INTS8: variants seen among roughly 807,000 people sequenced by gnomAD.
INTS8 encodes the protein protein kaonashi-1.
In INTS8, 47 loss-of-function variants were observed where a neutral mutation model predicts 138.9. The observed-to-expected ratio is 0.34, with a 90% confidence interval of 0.27 to 0.43. The LOEUF (loss-of-function observed/expected upper bound fraction) is 0.43. Among genes scored for constraint, INTS8 ranks in the 20% least tolerant of loss-of-function variants. The probability of loss-of-function intolerance (pLI) is 1.00; values close to 1 mark genes in which losing one functional copy is unlikely to be tolerated. For synonymous variants in INTS8, 392 were observed against 400.9 expected, an observed-to-expected ratio of 0.98 and a Z score of 0.27; for missense variants, 996 against 1,173.0, an observed-to-expected ratio of 0.85 and a Z score of 2.20.
At chr8:94,849,864 C>T in intron 11 of INTS8, 52 bp from the exon 12 acceptor site, 1 of 1,374,138 alleles carries the variant, frequency 7.3e-7, no homozygotes, top group South Asian at 1.6e-5. Context: ...GATTGTTTTT[C>T]TCAAACTAAA....
chr8:94,834,570 G>A (rs1217243773), intron 6 of INTS8, among the ~76,000 whole-genome samples: 1 of 151,988 alleles, frequency 6.6e-6, no homozygotes, highest in African/African-American at 2.4e-5. Flanking sequence ...TAGGCGTTGT[G>A]GCAGGTGCCT....
chr8:94,838,431 A>G (rs1377034998), intron 7 of INTS8, 32 bp from the exon 8 acceptor site: 1 of 1,544,532 alleles, frequency 6.5e-7, no homozygotes, highest in African/African-American at 1.4e-5. Flanking sequence ...TATTACATGA[A>G]TGGATAATGG....
At position 94,861,256 on chromosome 8, in the gene INTS8, A is replaced by ATTTTTTTTTTTTTTT. The variant is rs1210530804; in HGVS notation, c.2076+1633_2076+1647dup. Among the ~76,000 whole-genome samples the ATTTTTTTTTTTTTTT allele has an allele frequency of 2.5e-3, 146 of 57,384 alleles. 37 individuals carry two copies. Among genetic ancestry groups the ATTTTTTTTTTTTTTT allele is most frequent in the East Asian group, 5.8e-3 (9 of 1,562 alleles). The allele number at this position is 57,384 out of a possible 152,430, so 37.6% of individuals were successfully genotyped here. ...CTTCAGTTTTTCCCCCCTTTTTGTA[A>ATTTTTTTTTTTTTTT]TTTTTTTTTTTTTTTTTTTTTTTGA... is the stretch of plus-strand genomic sequence containing the variant. On this transcript the variant is annotated intron_variant, in intron 16 of 26. Transcript: ENST00000523731.
intron 4 of INTS8, among the ~76,000 whole-genome samples, chr8:94,828,060 G>A (rs1451655524): frequency 7.1e-6 from 1 of 140,516 alleles, no homozygotes; most frequent in Non-Finnish European, 1.5e-5. Flanking sequence ...TTTTTTTTGA[G>A]ATGGAGACTC....
rs537627111 is a variant in INTS8 at position 94,823,395 on chromosome 8, G to C, written c.-37G>C. On this transcript the variant is annotated 5_prime_UTR_variant, in exon 1 of 27. Transcript: ENST00000523731. ...CGCATCCAAGTGTCAGGTTGGAGCC[G>C]GGAAGCGGCCCTGGTGGTAGCGGCG... 4.0e-6 allele frequency: 6 copies of C among 1,511,296 alleles called. No homozygotes were observed. The highest frequency in any genetic ancestry group is 5.3e-6 in the Non-Finnish European group (6 of 1,132,338). 93.6% of individuals were successfully genotyped at this position (1,511,296 alleles called of 1,614,324 possible).
At chr8:94,836,773 A>G in intron 7 of INTS8, 142 bp downstream of exon 7, 1 of 556,262 alleles carries the variant, frequency 1.8e-6, no homozygotes, top group Non-Finnish European at 3.2e-6. Context: ...ACTGGTTTTT[A>G]AAAATCTGTA....
intron 18 of INTS8, 25 bp from the exon 19 acceptor site, chr8:94,867,115 G>T (rs1001220267): frequency 9.0e-6 from 14 of 1,553,700 alleles, no homozygotes; most frequent in Non-Finnish European, 1.1e-5. Context: ...CACTGTTTAA[G>T]GATTCTGTGT....
chr8:94,871,433 G>A (rs1452869205), intron 20 of INTS8, among the ~76,000 whole-genome samples: 4 of 151,642 alleles, frequency 2.6e-5, no homozygotes, highest in South Asian at 2.1e-4. Flanking sequence ...AGCTGAGATC[G>A]TGCCACCGCA....
chr8:94,859,877 C>T (rs1815889125), intron 16 of INTS8: 3 of 415,970 alleles, frequency 7.2e-6, no homozygotes, highest in Non-Finnish European at 8.9e-6. Flanking sequence ...ACAGATAACA[C>T]ATTGGTGTAA....
At chr8:94,867,452 A>G (rs1165363241) in intron 20 of INTS8, 115 bp downstream of exon 20, 1 of 736,910 alleles carries the variant, frequency 1.4e-6, no homozygotes, top group Non-Finnish European at 2.3e-6. Context: ...CTAAGATTCT[A>G]CAGTCTTTGT....
At chr8:94,862,293 T>C (rs1054608125) in intron 16 of INTS8, among the ~76,000 whole-genome samples, 1 of 152,206 alleles carries the variant, frequency 6.6e-6, no homozygotes, top group Non-Finnish European at 1.5e-5. Context: ...GTTCTTAATA[T>C]ATTGGGCACT....
At chr8:94,852,431 T>G (rs1815579308) in intron 13 of INTS8, among the ~76,000 whole-genome samples, 1 of 152,162 alleles carries the variant, frequency 6.6e-6, no homozygotes, top group Non-Finnish European at 1.5e-5. Flanking sequence ...TAAAAATAGC[T>G]TTTAAAACAC....
intron 4 of INTS8, among the ~76,000 whole-genome samples, 184 bp downstream of exon 4, chr8:94,827,977 G>A (rs1814573825): frequency 6.6e-6 from 1 of 152,126 alleles, no homozygotes; most frequent in African/African-American, 2.4e-5. Flanking sequence ...GCTAGATACA[G>A]AGTTCTAAGA....
chr8:94,848,884 A>G (rs1378868069), intron 10 of INTS8, among the ~76,000 whole-genome samples: 1 of 152,006 alleles, frequency 6.6e-6, no homozygotes, highest in Non-Finnish European at 1.5e-5. Flanking sequence ...TATTAGGAGG[A>G]ATCCTAATCT....
At chr8:94,869,782 C>T (rs534766879) in intron 20 of INTS8, among the ~76,000 whole-genome samples, 21 of 152,156 alleles carry the variant, frequency 1.4e-4, no homozygotes, top group Non-Finnish European at 2.6e-4. Flanking sequence ...TGAGCCACTG[C>T]GCCCCACCTA....
At chr8:94,853,774 CAT>C in intron 13 of INTS8, 29 bp from the exon 14 acceptor site, 6 of 1,222,466 alleles carry the variant, frequency 4.9e-6, no homozygotes, top group African/African-American at 1.5e-5. Flanking sequence ...TCTATGTGTG[CAT>C]ATATATATGT....
Position 94,873,511 on chromosome 8 carries a change from C to T in INTS8, c.2637+34C>T, listed in dbSNP as rs930041772. 15 of 1,368,186 alleles carry T rather than the reference C, an allele frequency of 1.1e-5. 1 individual carries two copies. The highest frequency in any genetic ancestry group is 4.6e-5 in the East Asian group (2 of 43,732). The allele number at this position is 1,368,186 out of a possible 1,614,324, so 84.8% of individuals were successfully genotyped here. On this transcript the variant is annotated intron_variant, in intron 22 of 26. Transcript: ENST00000523731. ...TTTTCGTGGGCTGGCTGGTTTCTTG[C>T]CTACCTGTATATGTTCTTCCTGGGT...
intron 8 of INTS8, among the ~76,000 whole-genome samples, chr8:94,840,911 TAA>T (rs1277592239): frequency 4.8e-5 from 7 of 145,928 alleles, no homozygotes; most frequent in African/African-American, 1.0e-4. Context: ...GAGAGAATAA[TAA>T]TTTTTTTTTT....
chr8:94,829,413 A>T (rs1814629775), intron 5 of INTS8, among the ~76,000 whole-genome samples: 1 of 151,720 alleles, frequency 6.6e-6, no homozygotes, highest in Non-Finnish European at 1.5e-5. Context: ...GTAGTTCACG[A>T]TAGGGTTTGC....
Sources: gnomAD v4.1 joint callset for allele counts (sites outside exome capture counted in the v4.1 genomes callset) on GRCh38, gnomAD v4.1.1 for gene constraint, MANE v1.5 for transcripts, NCBI Gene and HGNC (gene_info 2026-07-23, HGNC 2026-07-21) for gene names.